DACH1: variants seen among roughly 807,000 people sequenced by gnomAD.
DACH1 encodes the protein dachshund family transcription factor 1, also known as dachshund homolog 1.
Under a neutral mutation model 54.2 loss-of-function variants are expected in DACH1, and 12 were observed. The observed-to-expected ratio is 0.22, with a 90% CI of 0.14 to 0.36. The LOEUF is 0.36. DACH1 is among the 10% of genes least tolerant of loss of function. The pLI, the probability that DACH1 is intolerant of heterozygous loss-of-function variation, is 1.00. For synonymous variants in DACH1, 386 were observed against 366.2 expected, an observed-to-expected ratio of 1.05 and a Z score of -0.62; for missense variants, 805 against 929.8, an observed-to-expected ratio of 0.87 and a Z score of 1.75.
At chr13:71,484,124 C>T (rs1226148991) in intron 7 of DACH1, among the ~76,000 whole-genome samples, 2 of 152,126 alleles carry the variant, frequency 1.3e-5, no homozygotes, top group African/African-American at 4.8e-5. Context: ...TGTCCATTTA[C>T]TAGGCTATAG....
chr13:71,474,608 C>A (rs1028538058), intron 10 of DACH1, among the ~76,000 whole-genome samples: 2 of 152,136 alleles, frequency 1.3e-5, no homozygotes, highest in African/African-American at 4.8e-5. Context: ...TGATTTTACT[C>A]AGCAGATTTG....
chr13:71,611,452 G>A (rs1394842183), intron 3 of DACH1, among the ~76,000 whole-genome samples: 3 of 152,130 alleles, frequency 2.0e-5, no homozygotes, highest in South Asian at 2.1e-4. Context: ...TATTAATAGC[G>A]GAATAGATCT....
chr13:71,828,889 G>A (rs1345064915), intron 1 of DACH1, among the ~76,000 whole-genome samples: 1 of 151,598 alleles, frequency 6.6e-6, no homozygotes, highest in Non-Finnish European at 1.5e-5. Flanking sequence ...TTATACTGTT[G>A]CCATGCTTGT....
intron 1 of DACH1, among the ~76,000 whole-genome samples, chr13:71,748,498 G>C (rs1566476261): frequency 6.6e-6 from 1 of 152,166 alleles, no homozygotes. Flanking sequence ...TGCTTCGCTA[G>C]AATGATATTC....
At chr13:71,501,232 G>A (rs1879887783) in intron 6 of DACH1, among the ~76,000 whole-genome samples, 2 of 152,220 alleles carry the variant, frequency 1.3e-5, no homozygotes, top group African/African-American at 2.4e-5. Flanking sequence ...TGTGTAACAC[G>A]AGGCTGCAGA....
intron 1 of DACH1, among the ~76,000 whole-genome samples, chr13:71,804,221 GAGAATTGCTTGAGCCCA>G (rs1359749929): frequency 6.6e-6 from 1 of 152,086 alleles, no homozygotes. Flanking sequence ...ACTAAGGCAG[GAGAATTGCTTGAGCCCA>G]AGAAGTCAAG....
At chr13:71,611,186 C>T (rs572192078) in intron 3 of DACH1, among the ~76,000 whole-genome samples, 1 of 152,076 alleles carries the variant, frequency 6.6e-6, no homozygotes, top group African/African-American at 2.4e-5. Flanking sequence ...AGAACACTGT[C>T]AAGTTCATGA....
Position 71,481,672 on chromosome 13 carries a change from G to A in DACH1, c.1723-2356C>T, listed in dbSNP as rs61957805. Among the ~76,000 whole-genome samples, 741 of 152,238 alleles carry A rather than the reference G, an allele frequency of 4.9e-3. 5 individuals carry two copies. The highest frequency in any genetic ancestry group is 7.5e-3 in the Admixed American group (115 of 15,286). On this transcript the variant is annotated intron_variant, in intron 7 of 10. Transcript: ENST00000613252. Reference sequence around the variant, plus strand: ...AGGAGTCCAGTGTGAACAAAAATCTGTACTAGAGCCAAACTGATGCATATG... The same window carrying A: ...AGGAGTCCAGTGTGAACAAAAATCTATACTAGAGCCAAACTGATGCATATG...
intron 1 of DACH1, among the ~76,000 whole-genome samples, chr13:71,797,029 T>G (rs2138111624): frequency 6.6e-6 from 1 of 152,198 alleles, no homozygotes; most frequent in African/African-American, 2.4e-5. Flanking sequence ...ACACCTAAGT[T>G]AACATAATCC....
intron 3 of DACH1, among the ~76,000 whole-genome samples, chr13:71,590,175 A>T (rs930888018): frequency 1.2e-4 from 18 of 152,110 alleles, no homozygotes. Flanking sequence ...TAAACATCTC[A>T]TATCAGTAAG....
At chr13:71,755,214 A>G (rs1464434116) in intron 1 of DACH1, among the ~76,000 whole-genome samples, 1 of 152,144 alleles carries the variant, frequency 6.6e-6, no homozygotes, top group Non-Finnish European at 1.5e-5. Flanking sequence ...AAAACAAGAA[A>G]AATCTGTTTA....
chr13:71,630,974 C>A (rs541410659), intron 2 of DACH1, among the ~76,000 whole-genome samples: 1 of 152,246 alleles, frequency 6.6e-6, no homozygotes, highest in South Asian at 2.1e-4. Flanking sequence ...GGAAATGCAG[C>A]GACAGTTATC....
At chr13:71,550,043 T>C (rs2138354314) in intron 6 of DACH1, among the ~76,000 whole-genome samples, 1 of 152,302 alleles carries the variant, frequency 6.6e-6, no homozygotes, top group East Asian at 1.9e-4. Flanking sequence ...TAGCTATATG[T>C]AATCAAAGTG....
At chr13:71,682,686 G>A (rs894538270) in intron 1 of DACH1, among the ~76,000 whole-genome samples, 34 of 152,062 alleles carry the variant, frequency 2.2e-4, no homozygotes, top group African/African-American at 8.2e-4. Context: ...GTATCATTAA[G>A]GAACTGCCAG....
At chr13:71,846,484 A>T (rs534567337) in intron 1 of DACH1, among the ~76,000 whole-genome samples, 1 of 152,158 alleles carries the variant, frequency 6.6e-6, no homozygotes, top group Non-Finnish European at 1.5e-5. Context: ...TCTACTAAAA[A>T]TACAAAAATA....
At chr13:71,794,678 T>TC (rs1383494762) in intron 1 of DACH1, among the ~76,000 whole-genome samples, 1 of 152,132 alleles carries the variant, frequency 6.6e-6, no homozygotes, top group Non-Finnish European at 1.5e-5. Flanking sequence ...CCTCAGGTGA[T>TC]CCTCCCACCT....
At chr13:71,638,996 T>C (rs1877700528) in intron 2 of DACH1, among the ~76,000 whole-genome samples, 1 of 152,124 alleles carries the variant, frequency 6.6e-6, no homozygotes, top group African/African-American at 2.4e-5. Context: ...TATAGACTCT[T>C]TGCAAAACTC....
intron 1 of DACH1, among the ~76,000 whole-genome samples, chr13:71,864,492 A>G (rs1874583213): frequency 6.6e-6 from 1 of 152,018 alleles, no homozygotes; most frequent in Admixed American, 6.5e-5. Flanking sequence ...TCTCTGCGGG[A>G]GCACACACTA....
Position 71,789,041 on chromosome 13 carries a change from C to CA in DACH1, c.848+76880dup, listed in dbSNP as rs1320105981. 7.9e-5 allele frequency among the ~76,000 whole-genome samples: 12 copies of CA among 152,006 alleles called. No homozygotes were observed. In the East Asian group the frequency reaches 2.3e-3, roughly 29 times the overall value. On this transcript the variant is annotated intron_variant, in intron 1 of 10. Coordinates refer to ENST00000613252, the MANE Select transcript of DACH1 (RefSeq NM_080759.6). ...GTATTACTTATTAAAATTCCTTCTCCAAAAAAACCAGACTGGAAAATAATC... is the reference window on the plus strand; with the variant it reads ...GTATTACTTATTAAAATTCCTTCTCCAAAAAAAACCAGACTGGAAAATAATC...
Sources: gnomAD v4.1 joint callset for allele counts (sites outside exome capture counted in the v4.1 genomes callset) on GRCh38, gnomAD v4.1.1 for gene constraint, MANE v1.5 for transcripts, NCBI Gene and HGNC (gene_info 2026-07-23, HGNC 2026-07-21) for gene names.